ZNF91: variants seen among roughly 807,000 people sequenced by gnomAD.
ZNF91 encodes the protein zinc finger protein 91 (HPF7, HTF10).
A neutral mutation model predicts 12.6 loss-of-function variants in ZNF91; 7 were observed. The ratio of observed to expected loss-of-function variants is 0.55; its 90% CI spans 0.31 to 1.04. ZNF91 has a LOEUF of 1.04. Ranked by LOEUF, ZNF91 falls within the 50% of genes least tolerant of loss-of-function variation. The pLI, the probability that ZNF91 is intolerant of heterozygous loss-of-function variation, is 0.05. For missense variants in ZNF91, 1,217 were observed against 1,385.4 expected, an observed-to-expected ratio of 0.88 and a Z score of 1.93; for synonymous variants, 453 against 462.6, an observed-to-expected ratio of 0.98 and a Z score of 0.27.
chr19:23,344,029 G>A (rs62122166), intron 3 of ZNF91, among the ~76,000 whole-genome samples: 34 of 152,200 alleles, frequency 2.2e-4, no homozygotes, highest in South Asian at 2.1e-4. Flanking sequence ...CATCAGGTGC[G>A]GATGCATATA....
At chr19:23,313,330 AG>A (rs796775081), upstream of ZNF91, among the ~76,000 whole-genome samples, 9 of 152,290 alleles carry the variant, frequency 5.9e-5, no homozygotes, top group South Asian at 1.9e-3. Context: ...TGCTGCCCAC[AG>A]GGCACATTGT....
chr19:23,379,755 T>C (rs1191642903), intron 1 of ZNF91, among the ~76,000 whole-genome samples: 1 of 152,424 alleles, frequency 6.6e-6, no homozygotes, highest in East Asian at 1.9e-4. Context: ...TGCTATCTTT[T>C]TGGCTACTTG....
chr19:23,315,215 A>G (rs527471360), upstream of ZNF91, among the ~76,000 whole-genome samples: 3 of 152,182 alleles, frequency 2.0e-5, no homozygotes, highest in Non-Finnish European at 4.4e-5. Flanking sequence ...TGGTGTGACT[A>G]TCATCTCTTG....
At chr19:23,388,312 TAA>T (rs928429500) in intron 1 of ZNF91, among the ~76,000 whole-genome samples, 7 of 152,034 alleles carry the variant, frequency 4.6e-5, no homozygotes, top group Admixed American at 2.6e-4. Flanking sequence ...CGTGTGGTCA[TAA>T]AAAACAAACA....
At chr19:23,324,474 CT>C (rs1194687971) in intron 1 of ZNF91, 2 of 151,758 alleles carry the variant, frequency 1.3e-5, no homozygotes, top group Admixed American at 1.3e-4. Flanking sequence ...TTTATATTAG[CT>C]TTTGGAGGAT....
At chr19:23,353,895 G>A (rs1968425960), downstream of ZNF91, among the ~76,000 whole-genome samples, 1 of 152,068 alleles carries the variant, frequency 6.6e-6, no homozygotes, top group African/African-American at 2.4e-5. Flanking sequence ...GCTTAAATCA[G>A]GAGGCATTAG....
intron 1 of ZNF91, among the ~76,000 whole-genome samples, chr19:23,391,939 G>T (rs1308446654): frequency 6.6e-6 from 1 of 152,088 alleles, no homozygotes; most frequent in Admixed American, 6.5e-5. Flanking sequence ...ACTATAACTA[G>T]GTGGTAGAAT....
In ZNF91 at chr19:23,360,060, T is replaced by G; in HGVS notation, c.2919A>C (p.Lys973Asn). 1.2e-6 allele frequency: 2 copies of G among 1,613,478 alleles called. No homozygotes were observed. Among genetic ancestry groups the G allele is most frequent in the Non-Finnish European group, 1.7e-6 (2 of 1,180,014 alleles). The change falls in exon 4 of 4, where the codon AAA becomes AAC. Residue 973 changes from lysine to asparagine, a missense_variant. This residue lies in a region of ZNF91 where 491 missense variants were observed against 489.8 expected (regional missense o/e 1.00). Coordinates refer to ENST00000300619, the MANE Select transcript of ZNF91 (RefSeq NM_003430.4). ...EKPYKCEECG[K>N]AFRKSSTLTE... ...TAAGAGTTGAAGATTTCCTAAAAGC[T>G]TTGCCACATTCTTCACATTTGTAGG...
rs765318233 is a variant in ZNF91, at chr19:23,359,788, G to T, written c.3191C>A (p.Thr1064Asn). The change falls in exon 4 of 4, where the codon ACC becomes AAC. Residue 1064 changes from threonine (T) to asparagine (N), a missense_variant. This residue lies in a region of ZNF91 where 491 missense variants were observed against 489.8 expected (regional missense o/e 1.00). Transcript: ENST00000300619. ...ECGKAFISSSTLNGHKRIHTR... is the reference protein window; with the variant it reads ...ECGKAFISSSNLNGHKRIHTR... Reference sequence around the variant, plus strand: ...ATGAATTCTCTTATGTCCATTTAGGGTTGAGGATGATATAAATGCTTTGCC... The same window carrying T: ...ATGAATTCTCTTATGTCCATTTAGGTTTGAGGATGATATAAATGCTTTGCC... 3.1e-6 allele frequency: 5 copies of T among 1,613,492 alleles called. No individual in the cohort carries two copies. The highest frequency in any genetic ancestry group is 1.3e-5 in the African/African-American group (1 of 74,734).
At chr19:23,357,095 T>C (rs1406998132), downstream of ZNF91, among the ~76,000 whole-genome samples, 2 of 152,122 alleles carry the variant, frequency 1.3e-5, no homozygotes, top group African/African-American at 2.4e-5. Context: ...GGCGTGGTGA[T>C]GCATGCCTGT....
chr19:23,378,020 A>G (rs748720836), intron 1 of ZNF91, among the ~76,000 whole-genome samples: 4 of 152,218 alleles, frequency 2.6e-5, no homozygotes, highest in Non-Finnish European at 4.4e-5. Flanking sequence ...AGAGGGATAC[A>G]GATAGAGTGT....
At chr19:23,325,135 C>T (rs988621585) in intron 1 of ZNF91, 4 of 151,386 alleles carry the variant, frequency 2.6e-5, no homozygotes, top group African/African-American at 9.7e-5. Context: ...CACTTTATTA[C>T]ACAAGCAGGA....
chr19:23,386,264 G>A (rs1015059975), intron 1 of ZNF91, among the ~76,000 whole-genome samples: 2 of 151,766 alleles, frequency 1.3e-5, no homozygotes, highest in Non-Finnish European at 2.9e-5. Flanking sequence ...AATGCTGTTC[G>A]ATATCAAATG....
At chr19:23,351,631 C>G (rs1395075107) in intron 3 of ZNF91, among the ~76,000 whole-genome samples, 2 of 152,208 alleles carry the variant, frequency 1.3e-5, no homozygotes, top group African/African-American at 4.8e-5. Context: ...ACACACTTAT[C>G]TAAGAATCAA....
At chr19:23,313,304 T>C (rs1967500323), upstream of ZNF91, among the ~76,000 whole-genome samples, 1 of 152,234 alleles carries the variant, frequency 6.6e-6, no homozygotes, top group African/African-American at 2.4e-5. Context: ...GATGTGACTC[T>C]ATTATCCTGC....
chr19:23,378,050 A>G (rs1291210324), intron 1 of ZNF91, among the ~76,000 whole-genome samples: 4 of 152,224 alleles, frequency 2.6e-5, no homozygotes, highest in Non-Finnish European at 5.9e-5. Context: ...TAGATGAATT[A>G]TTATGTTTAT....
chr19:23,331,054 A>C (rs1354445771), intron 1 of ZNF91, among the ~76,000 whole-genome samples: 1 of 152,200 alleles, frequency 6.6e-6, no homozygotes, highest in Non-Finnish European at 1.5e-5. Flanking sequence ...GTGCTGGATA[A>C]TGGTGACCAT....
At chr19:23,364,220 A>G (rs296086) in intron 3 of ZNF91, among the ~76,000 whole-genome samples, 44,302 of 151,996 alleles carry the variant, frequency 0.29, 6,780 homozygotes, top group East Asian at 0.38. Context: ...TTGGGAGGCT[A>G]AGGCAGATTA....
chr19:23,369,200 G>C (rs1266943723), intron 3 of ZNF91, among the ~76,000 whole-genome samples: 4 of 151,978 alleles, frequency 2.6e-5, no homozygotes, highest in East Asian at 3.9e-4. Flanking sequence ...ATCCCAGCTA[G>C]TCAGGAGGCT....
Sources: gnomAD v4.1 joint callset for allele counts (sites outside exome capture counted in the v4.1 genomes callset) on GRCh38, gnomAD v4.1.1 for gene constraint, gnomAD v4.1.1 regional missense constraint, MANE v1.5 for transcripts, NCBI Gene and HGNC (gene_info 2026-07-23, HGNC 2026-07-21) for gene names.